Variants in DHRS12 observed in about 807,000 individuals in gnomAD.
The protein encoded by DHRS12 is dehydrogenase/reductase SDR family member 12.
A neutral mutation model predicts 32.1 loss-of-function variants in DHRS12; 29 were observed. The observed-to-expected ratio is 0.90, with a 90% CI of 0.67 to 1.23. The LOEUF is 1.23. Ranked by LOEUF, DHRS12 falls within the 50% of genes most tolerant of loss-of-function variation. DHRS12 has a pLI of 0.00. For missense variants in DHRS12, 330 were observed against 337.2 expected (o/e 0.98, Z 0.17); for synonymous variants, 150 against 135.9 (o/e 1.10, Z -0.72).
chr13:51,755,181 C>G, the DHRS12 span, among the ~76,000 whole-genome samples: 12 of 152,168 alleles, frequency 7.9e-5, no homozygotes, highest in African/African-American at 2.9e-4. Flanking sequence ...CATCCCATCC[C>G]CAGGGCCTGC....
At chr13:51,779,832 T>C (rs1239042615) in intron 4 of DHRS12, among the ~76,000 whole-genome samples, 1 of 152,162 alleles carries the variant, frequency 6.6e-6, no homozygotes, top group Non-Finnish European at 1.5e-5. Flanking sequence ...ACTTGGCTTG[T>C]CTCAGTTAGG....
chr13:51,783,475 T>C (rs917774011), intron 4 of DHRS12, among the ~76,000 whole-genome samples: 12 of 152,198 alleles, frequency 7.9e-5, no homozygotes, highest in African/African-American at 2.7e-4. Context: ...ATAATATATA[T>C]ATAATGTTTT....
At chr13:51,771,207 C>T in intron 7 of DHRS12, 1 of 1,551,400 alleles carries the variant, frequency 6.4e-7, no homozygotes, top group Non-Finnish European at 8.7e-7. Context: ...CGCGGGTGCA[C>T]CCTGGGGTGT....
Position 51,768,299 on chromosome 13 carries a change from A to G in DHRS12, c.698-3T>C, listed in dbSNP as rs558905815. ...GTGTGTAGAAACTGGCTTCCGATCT[A>G]AAAGTGAGAGGGAACCGCAGAGAGG... is the stretch of plus-strand genomic sequence containing the variant. On this transcript the variant is annotated splice_polypyrimidine_tract_variant and splice_region_variant and intron_variant, in intron 8 of 8. Coordinates refer to ENST00000444610, the MANE Select transcript of DHRS12 (RefSeq NM_001377533.1). The G allele has an allele frequency of 4.5e-5, 69 of 1,535,826 alleles. 1 individual carries two copies. In the Middle Eastern group the frequency reaches 5.2e-4, roughly 12 times the overall value.
At chr13:51,803,665 T>G in intron 1 of DHRS12, 1 of 166,282 alleles carries the variant, frequency 6.0e-6, no homozygotes, top group Non-Finnish European at 1.3e-5. Context: ...TAGCTAGCGA[T>G]TTAGATCCAG....
intron 2 of DHRS12, among the ~76,000 whole-genome samples, chr13:51,793,660 TC>T (rs1037329197): frequency 1.3e-5 from 2 of 152,168 alleles, no homozygotes; most frequent in African/African-American, 4.8e-5. Context: ...GTGAAGGCCC[TC>T]ACCCAGCCAG....
intron 4 of DHRS12, chr13:51,789,686 T>C (rs1206205537): frequency 7.1e-6 from 7 of 985,456 alleles, no homozygotes; most frequent in Non-Finnish European, 8.4e-6. Context: ...GGAAGTTCCT[T>C]TGGTTGCAGT....
chr13:51,793,136 CT>C (rs1310283402), intron 2 of DHRS12, among the ~76,000 whole-genome samples: 44 of 152,266 alleles, frequency 2.9e-4, no homozygotes, highest in African/African-American at 9.9e-4. Flanking sequence ...GCCGTTTCTC[CT>C]TATGGTATTA....
chr13:51,781,314 A>G (rs886535736), intron 4 of DHRS12, among the ~76,000 whole-genome samples: 1 of 152,114 alleles, frequency 6.6e-6, no homozygotes. Context: ...AGTCAGGCCT[A>G]TCCCCTTTGC....
the DHRS12 span, chr13:51,762,442 T>C: frequency 2.0e-5 from 3 of 152,238 alleles, no homozygotes; most frequent in African/African-American, 4.8e-5. Context: ...TATGTCAAGG[T>C]ATCCATTGCT....
intron 7 of DHRS12, chr13:51,771,504 G>C (rs1954013579): frequency 6.2e-7 from 1 of 1,613,802 alleles, no homozygotes; most frequent in Admixed American, 1.7e-5. Context: ...GTCTGACGTG[G>C]AAATGACAAT....
chr13:51,770,638 G>A (rs1953966255), intron 7 of DHRS12: 7 of 459,926 alleles, frequency 1.5e-5, no homozygotes, highest in Non-Finnish European at 1.7e-5. Flanking sequence ...TTTAAGACAG[G>A]AGACTCAGAT....
Position 51,767,996 on chromosome 13 carries a change from A to G in DHRS12, c.*191T>C, listed in dbSNP as rs1201167383. On this transcript the variant is annotated 3_prime_UTR_variant, in exon 9 of 9. Transcript: ENST00000444610. ...AGAAAAGAACCTGCTGCAGGAGTTC[A>G]AGGTGAGCCTGATCACAGCCTCGGT... 7.2e-7 allele frequency: 1 copy of G among 1,394,330 alleles called. No homozygotes were observed. Among genetic ancestry groups the G allele is most frequent in the Admixed American group, 3.0e-5 (1 of 32,880 alleles). The allele number at this position is 1,394,330 out of a possible 1,614,324, so 86.4% of individuals were successfully genotyped here.
At position 51,799,528 on chromosome 13, in the gene DHRS12, G is replaced by A. The variant is rs768538743; in HGVS notation, c.126+6C>T. ...TCAGTGGACACACGTGTTAGCAGCT[G>A]CTTACCTCGCTTGGCGATTTCAAGG... On this transcript the variant is annotated splice_donor_region_variant and intron_variant, in intron 2 of 8. Coordinates refer to ENST00000444610, the MANE Select transcript of DHRS12 (RefSeq NM_001377533.1). 5 of 1,612,878 alleles carry A rather than the reference G, an allele frequency of 3.1e-6. No homozygotes were observed. The highest frequency in any genetic ancestry group is 3.4e-6 in the Non-Finnish European group (4 of 1,179,806).
chr13:51,773,788 C>A (rs944976697), intron 6 of DHRS12, 142 bp downstream of exon 6: 47 of 694,020 alleles, frequency 6.8e-5, no homozygotes, highest in Non-Finnish European at 1.2e-4. Flanking sequence ...CAAAGGGGAG[C>A]CCTCTTGGTG....
At chr13:51,798,842 AC>A (rs1955626178) in intron 2 of DHRS12, among the ~76,000 whole-genome samples, 1 of 152,270 alleles carries the variant, frequency 6.6e-6, no homozygotes, top group African/African-American at 2.4e-5. Context: ...GATGCAGCAA[AC>A]TTTTCTAGCC....
At chr13:51,771,562 GCCCCAGGCGCACCTGCTCCCGTT>G in intron 7 of DHRS12, 1 of 1,586,728 alleles carries the variant, frequency 6.3e-7, no homozygotes, top group Non-Finnish European at 8.6e-7. Flanking sequence ...TTAGCAGGGC[GCCCCAGGCGCACCTGCTCCCGTT>G]CCCACCATCT....
At chr13:51,786,274 C>T (rs900679300) in intron 4 of DHRS12, among the ~76,000 whole-genome samples, 1 of 152,160 alleles carries the variant, frequency 6.6e-6, no homozygotes, top group Non-Finnish European at 1.5e-5. Flanking sequence ...CGTCTTGTGT[C>T]CTGTGGTGAG....
downstream of DHRS12, chr13:51,767,285 AAAAGGAGGCATGCAGTT>A (rs1426068927): frequency 2.0e-5 from 3 of 152,264 alleles, no homozygotes; most frequent in African/African-American, 7.2e-5. Flanking sequence ...CCTCCTGCAG[AAAAGGAGGCATGCAGTT>A]AAATGGAGCT....
Sources: gnomAD v4.1 joint callset for allele counts (sites outside exome capture counted in the v4.1 genomes callset) on GRCh38, gnomAD v4.1.1 for gene constraint, MANE v1.5 for transcripts, NCBI Gene and HGNC (gene_info 2026-07-23, HGNC 2026-07-21) for gene names.